CPNE4: variants seen among roughly 807,000 people sequenced by gnomAD.
The protein encoded by CPNE4 is copine 4, also known as copine-4.
A neutral mutation model predicts 67.9 loss-of-function variants in CPNE4; 25 were observed. The ratio of observed to expected loss-of-function variants is 0.37; its 90% confidence interval spans 0.27 to 0.51. The LOEUF (loss-of-function observed/expected upper bound fraction) is 0.51. Among genes scored for constraint, CPNE4 ranks in the 20% least tolerant of loss-of-function variants. CPNE4 has a pLI of 0.93. For synonymous variants in CPNE4, 242 were observed against 244.9 expected (o/e 0.99, Z 0.11); for missense variants, 464 against 690.8 (o/e 0.67, Z 3.68).
At chr3:131,588,539 T>C (rs1452364426) in intron 7 of CPNE4, among the ~76,000 whole-genome samples, 1 of 152,206 alleles carries the variant, frequency 6.6e-6, no homozygotes, top group Non-Finnish European at 1.5e-5. Context: ...TTAGTTCTTC[T>C]TCAGGGCGCA....
rs978923987 is a variant in CPNE4 at position 131,535,102 on chromosome 3, T to C, written c.*93A>G. 64 of 1,315,672 alleles carry C rather than the reference T, an allele frequency of 4.9e-5. No homozygotes were observed. Among genetic ancestry groups the C allele is most frequent in the Non-Finnish European group, 6.4e-5 (62 of 969,922 alleles). The allele number at this position is 1,315,672 out of a possible 1,614,324, so 81.5% of individuals were successfully genotyped here. A position where few individuals can be genotyped will look rare whatever the true frequency, so the allele number is the denominator to read the frequency against. ...GCTATTTTTAAATGTGTATATGTTG[T>C]TGGTTTTTTAAAGTACAGGAGTAGT... On this transcript the variant is annotated 3_prime_UTR_variant, in exon 16 of 16. Transcript: ENST00000429747.
chr3:131,942,754 C>T (rs568707458), intron 1 of CPNE4, among the ~76,000 whole-genome samples: 14 of 152,212 alleles, frequency 9.2e-5, no homozygotes, highest in African/African-American at 2.9e-4. Flanking sequence ...TCGAATCCCT[C>T]TAAAGCAAGG....
intron 3 of CPNE4, among the ~76,000 whole-genome samples, chr3:131,721,351 A>G (rs2081879528): frequency 6.6e-6 from 1 of 151,642 alleles, no homozygotes. Context: ...ACCAAAAAAA[A>G]AAAAAAAAAA....
At chr3:131,718,957 G>A (rs1223656246) in intron 3 of CPNE4, among the ~76,000 whole-genome samples, 1 of 152,196 alleles carries the variant, frequency 6.6e-6, no homozygotes, top group Non-Finnish European at 1.5e-5. Flanking sequence ...GCCAATCACT[G>A]TGGCCACACA....
At chr3:131,894,014 GTGAAA>G (rs1180741880) in intron 2 of CPNE4, among the ~76,000 whole-genome samples, 1 of 151,836 alleles carries the variant, frequency 6.6e-6, no homozygotes, top group Non-Finnish European at 1.5e-5. Context: ...CAAAAGATCA[GTGAAA>G]TGAAGTCACT....
At chr3:131,870,779 T>C (rs1291141235) in intron 2 of CPNE4, among the ~76,000 whole-genome samples, 1 of 152,170 alleles carries the variant, frequency 6.6e-6, no homozygotes, top group East Asian at 1.9e-4. Flanking sequence ...CTATTTGGAA[T>C]TCATTAGACT....
chr3:131,717,898 CTT>C (rs763657170), intron 3 of CPNE4, among the ~76,000 whole-genome samples: 10,361 of 109,964 alleles, frequency 0.094, 940 homozygotes, highest in Middle Eastern at 0.13. Context: ...TTCTTTCTTT[CTT>C]TCTTTCTTTC....
Position 131,637,808 on chromosome 3 carries a change from G to T in CPNE4, c.681+31867C>A, listed in dbSNP as rs146122733. The stretch of plus-strand genomic sequence containing the variant: ...GCAAAAGCATCAGGTAACCTATAAA[G>T]GAAAGCCTATCAGATTAAGAGCAGA... On this transcript the variant is annotated intron_variant, in intron 7 of 15. Transcript: ENST00000429747. Among the ~76,000 whole-genome samples, 1,138 of 152,184 alleles carry T rather than the reference G, an allele frequency of 7.5e-3. 17 individuals are homozygous for T. The highest frequency in any genetic ancestry group is 0.026 in the African/African-American group (1,088 of 41,530).
intron 1 of CPNE4, among the ~76,000 whole-genome samples, chr3:131,945,635 A>C (rs1022097547): frequency 6.6e-6 from 1 of 152,124 alleles, no homozygotes; most frequent in Non-Finnish European, 1.5e-5. Flanking sequence ...CAAGTGTAGA[A>C]ACTGCATCGT....
At chr3:131,988,289 G>A (rs937981442) in intron 1 of CPNE4, among the ~76,000 whole-genome samples, 7 of 152,172 alleles carry the variant, frequency 4.6e-5, no homozygotes, top group Non-Finnish European at 7.3e-5. Context: ...TATAGGGGCC[G>A]GAGAAAGCAG....
At chr3:131,728,322 G>A (rs190188254) in intron 2 of CPNE4, among the ~76,000 whole-genome samples, 17 of 152,262 alleles carry the variant, frequency 1.1e-4, no homozygotes, top group East Asian at 9.6e-4. Flanking sequence ...TAGAGAGACC[G>A]CCATAACTTT....
chr3:131,723,416 A>C, intron 3 of CPNE4, 30 bp downstream of exon 3: 1 of 1,602,066 alleles, frequency 6.2e-7, no homozygotes, highest in Non-Finnish European at 8.5e-7. Flanking sequence ...TAGGATGGCA[A>C]GGAGGAGGAA....
intron 11 of CPNE4, among the ~76,000 whole-genome samples, chr3:131,557,818 C>T (rs77007500): frequency 0.046 from 6,945 of 151,930 alleles, 524 homozygotes; most frequent in African/African-American, 0.16. Flanking sequence ...GAGATCTGTG[C>T]GGGGGATTTT....
At chr3:131,805,435 T>C (rs889193161) in intron 2 of CPNE4, among the ~76,000 whole-genome samples, 1 of 152,230 alleles carries the variant, frequency 6.6e-6, no homozygotes, top group African/African-American at 2.4e-5. Context: ...GTTCTAGTTA[T>C]ACCTGTCTAC....
chr3:131,879,323 C>T (rs908052277), intron 2 of CPNE4, among the ~76,000 whole-genome samples: 1 of 152,116 alleles, frequency 6.6e-6, no homozygotes, highest in Non-Finnish European at 1.5e-5. Flanking sequence ...AGTGTGTTTC[C>T]ATTAATGACT....
intron 2 of CPNE4, among the ~76,000 whole-genome samples, chr3:131,813,556 C>T (rs536264643): frequency 1.3e-5 from 2 of 151,252 alleles, no homozygotes; most frequent in African/African-American, 4.8e-5. Flanking sequence ...TACATACACA[C>T]ATTTAAAATA....
At chr3:131,790,601 G>A (rs1436263236) in intron 2 of CPNE4, among the ~76,000 whole-genome samples, 2 of 152,098 alleles carry the variant, frequency 1.3e-5, no homozygotes, top group African/African-American at 4.8e-5. Context: ...TTCACCCTGT[G>A]AATTCCTGCT....
intron 1 of CPNE4, among the ~76,000 whole-genome samples, chr3:131,940,088 G>A (rs1187674080): frequency 6.6e-6 from 1 of 152,066 alleles, no homozygotes; most frequent in Non-Finnish European, 1.5e-5. Flanking sequence ...CCTGGAAGCT[G>A]AGTATAAGTA....
intron 3 of CPNE4, among the ~76,000 whole-genome samples, chr3:131,710,445 T>C (rs1355271646): frequency 1.3e-5 from 2 of 152,214 alleles, no homozygotes; most frequent in Admixed American, 1.3e-4. Flanking sequence ...TTATCCTCTC[T>C]GTGGGCAGTT....
Sources: gnomAD v4.1 joint callset for allele counts (sites outside exome capture counted in the v4.1 genomes callset) on GRCh38, gnomAD v4.1.1 for gene constraint, MANE v1.5 for transcripts, NCBI Gene and HGNC (gene_info 2026-07-23, HGNC 2026-07-21) for gene names.